TBL1XR1: variants seen among roughly 807,000 people sequenced by gnomAD.
The protein encoded by TBL1XR1 is F-box-like/WD repeat-containing protein TBL1XR1.
Under a neutral mutation model 66.9 loss-of-function variants are expected in TBL1XR1, and 5 were observed. The ratio of observed to expected loss-of-function variants is 0.07; its 90% confidence interval spans 0.04 to 0.16. TBL1XR1 has a LOEUF of 0.16. Ranked by LOEUF, TBL1XR1 falls within the 10% of genes least tolerant of loss-of-function variation. The pLI is 1.00. For missense variants in TBL1XR1, 238 were observed against 623.2 expected (o/e 0.38, Z 6.58); for synonymous variants, 210 against 206.0 (o/e 1.02, Z -0.17).
At position 177,160,782 on chromosome 3, in the gene TBL1XR1, G is replaced by A. The variant is rs552975192; in HGVS notation, c.-122+36339C>T. 2.0e-5 allele frequency: 3 copies of A among 152,260 alleles called. No individual in the cohort carries two copies. The East Asian group carries it at 5.8e-4, about 29-fold the overall frequency. 9.4% of individuals were successfully genotyped at this position (152,260 alleles called of 1,614,324 possible). A position where few individuals can be genotyped will look rare whatever the true frequency, so the allele number is the denominator to read the frequency against. ...AGACTGAGGAGGGTGGATCACCTGAGGTCAGGAGTTCGAGACCAGCCTGGC... is the reference window on the plus strand; with the variant it reads ...AGACTGAGGAGGGTGGATCACCTGAAGTCAGGAGTTCGAGACCAGCCTGGC... On this transcript the variant is annotated intron_variant, in intron 1 of 15. Transcript: ENST00000457928.
chr3:177,073,736 C>T (rs889776714), intron 2 of TBL1XR1, among the ~76,000 whole-genome samples: 8 of 152,178 alleles, frequency 5.3e-5, no homozygotes, highest in African/African-American at 1.7e-4. Flanking sequence ...AAACTTACCC[C>T]ATTTGCTACC....
intron 2 of TBL1XR1, among the ~76,000 whole-genome samples, chr3:177,073,088 G>A (rs901254695): frequency 1.2e-4 from 18 of 152,000 alleles, no homozygotes; most frequent in African/African-American, 4.1e-4. Context: ...AAATACATTA[G>A]TAAGTAATAC....
At chr3:177,119,028 G>C (rs973570769) in intron 1 of TBL1XR1, among the ~76,000 whole-genome samples, 1 of 152,172 alleles carries the variant, frequency 6.6e-6, no homozygotes, top group African/African-American at 2.4e-5. Flanking sequence ...CTGGAGTGCA[G>C]TGGCATGATC....
intron 1 of TBL1XR1, among the ~76,000 whole-genome samples, chr3:177,159,703 A>G (rs1455217721): frequency 3.3e-5 from 5 of 152,184 alleles, no homozygotes; most frequent in African/African-American, 1.2e-4. Flanking sequence ...TAAGTGTTAC[A>G]AAGTACCAGC....
intron 2 of TBL1XR1, among the ~76,000 whole-genome samples, chr3:177,066,494 G>A (rs931424235): frequency 3.9e-5 from 6 of 152,148 alleles, no homozygotes; most frequent in African/African-American, 7.2e-5. Context: ...GGACAGAGAC[G>A]AGTAAGGCTT....
At chr3:177,190,374 G>A (rs2109005208) in intron 1 of TBL1XR1, among the ~76,000 whole-genome samples, 1 of 152,242 alleles carries the variant, frequency 6.6e-6, no homozygotes, top group Admixed American at 6.5e-5. Flanking sequence ...GGAGTGCAGT[G>A]GCGCAATCTC....
At chr3:177,026,039 C>T (rs961221094) in intron 15 of TBL1XR1, 16 of 306,210 alleles carry the variant, frequency 5.2e-5, no homozygotes, top group African/African-American at 3.6e-4. Context: ...CAAAAAAATT[C>T]TTCTGTGAAG....
intron 14 of TBL1XR1, chr3:177,032,549 T>C (rs978858507): frequency 6.5e-6 from 1 of 153,016 alleles, no homozygotes; most frequent in African/African-American, 2.4e-5. Context: ...CCATACATAC[T>C]ACCTGAAAAG....
At chr3:177,164,822 G>T (rs751010878) in intron 1 of TBL1XR1, among the ~76,000 whole-genome samples, 2 of 152,158 alleles carry the variant, frequency 1.3e-5, no homozygotes, top group African/African-American at 2.4e-5. Context: ...ATCTTCTGGA[G>T]CTGGGCTGAA....
At chr3:177,066,979 G>A (rs937502639) in intron 2 of TBL1XR1, among the ~76,000 whole-genome samples, 2 of 152,102 alleles carry the variant, frequency 1.3e-5, no homozygotes, top group Non-Finnish European at 1.5e-5. Context: ...ATGCTTAATG[G>A]AATAAGTCAA....
intron 1 of TBL1XR1, among the ~76,000 whole-genome samples, chr3:177,166,598 G>C (rs1732852449): frequency 6.6e-6 from 1 of 152,078 alleles, no homozygotes. Flanking sequence ...TCTCTTGCTT[G>C]CTGCCATGTT....
At chr3:177,174,466 T>C (rs1577386744) in intron 1 of TBL1XR1, among the ~76,000 whole-genome samples, 1 of 141,654 alleles carries the variant, frequency 7.1e-6, no homozygotes, top group African/African-American at 2.6e-5. Flanking sequence ...TCATTCTCAA[T>C]AGCAACTTCC....
At chr3:177,114,812 T>TA (rs200113125) in intron 1 of TBL1XR1, among the ~76,000 whole-genome samples, 9,154 of 151,140 alleles carry the variant, frequency 0.061, 371 homozygotes, top group South Asian at 0.16. Context: ...CCCATCTCTA[T>TA]AAAAAAAATG....
chr3:177,123,900 C>A (rs1727293421), intron 1 of TBL1XR1, among the ~76,000 whole-genome samples: 1 of 152,038 alleles, frequency 6.6e-6, no homozygotes, highest in African/African-American at 2.4e-5. Flanking sequence ...TTTACACTAT[C>A]ACGATTTACA....
At chr3:177,187,472 A>G (rs934175419) in intron 1 of TBL1XR1, among the ~76,000 whole-genome samples, 1 of 152,174 alleles carries the variant, frequency 6.6e-6, no homozygotes, top group Non-Finnish European at 1.5e-5. Context: ...ATTTGCACAA[A>G]TAAGAGAACT....
intron 1 of TBL1XR1, among the ~76,000 whole-genome samples, chr3:177,107,744 T>C (rs1308509317): frequency 6.6e-6 from 1 of 152,284 alleles, no homozygotes; most frequent in African/African-American, 2.4e-5. Flanking sequence ...ATATATTATA[T>C]ATATTTCAAT....
intron 12 of TBL1XR1, among the ~76,000 whole-genome samples, chr3:177,035,603 G>C: frequency 6.6e-6 from 1 of 151,994 alleles, no homozygotes; most frequent in Non-Finnish European, 1.5e-5. Context: ...TAGCAGAGAT[G>C]GGGTTTCACC....
intron 3 of TBL1XR1, among the ~76,000 whole-genome samples, 169 bp from the exon 4 acceptor site, chr3:177,054,087 T>C (rs531349186): frequency 2.6e-4 from 40 of 151,548 alleles, no homozygotes; most frequent in Non-Finnish European, 4.4e-4. Flanking sequence ...CGCGCGTGTG[T>C]GTGCATGTAA....
intron 1 of TBL1XR1, among the ~76,000 whole-genome samples, chr3:177,137,764 G>A (rs1428655823): frequency 2.0e-5 from 3 of 151,836 alleles, no homozygotes; most frequent in African/African-American, 7.2e-5. Context: ...GAGTCCAGGA[G>A]TTTGAGAACA....
Sources: gnomAD v4.1 joint callset for allele counts (sites outside exome capture counted in the v4.1 genomes callset) on GRCh38, gnomAD v4.1.1 for gene constraint, MANE v1.5 for transcripts, NCBI Gene and HGNC (gene_info 2026-07-23, HGNC 2026-07-21) for gene names.